PBX1: variants seen among roughly 807,000 people sequenced by gnomAD.
PBX1 encodes pre-B-cell leukemia transcription factor 1.
A neutral mutation model predicts 53.4 loss-of-function variants in PBX1; 6 were observed. That is an observed-to-expected ratio of 0.11 (90% confidence interval 0.06 to 0.22). PBX1 has a LOEUF of 0.22. PBX1 is among the 10% of genes least tolerant of loss of function. PBX1 has a pLI of 1.00. For synonymous variants in PBX1, 204 were observed against 212.3 expected (o/e 0.96, Z 0.34); for missense variants, 251 against 551.4 (o/e 0.46, Z 5.46).
chr1:164,619,860 T>G (rs1326746513), intron 2 of PBX1, among the ~76,000 whole-genome samples: 5 of 152,012 alleles, frequency 3.3e-5, no homozygotes, highest in Non-Finnish European at 5.9e-5. Context: ...CTAGGAAAAA[T>G]AATGAGTTTG....
chr1:164,591,178 A>G (rs1655349149), intron 2 of PBX1, among the ~76,000 whole-genome samples: 1 of 151,874 alleles, frequency 6.6e-6, no homozygotes, highest in South Asian at 2.1e-4. Context: ...TGCCCAGCTA[A>G]TTTTTGTATT....
intron 2 of PBX1, among the ~76,000 whole-genome samples, chr1:164,746,340 G>A (rs1038761193): frequency 6.6e-6 from 1 of 152,106 alleles, no homozygotes; most frequent in South Asian, 2.1e-4. Flanking sequence ...AGAAAGCTAT[G>A]GTAAATAGTT....
At chr1:164,663,264 G>T (rs1183744736) in intron 2 of PBX1, among the ~76,000 whole-genome samples, 3 of 133,332 alleles carry the variant, frequency 2.3e-5, no homozygotes, top group Admixed American at 8.2e-5. Context: ...CTGCCTGCCT[G>T]CCTGCCTGCC....
At chr1:164,660,712 C>CATTATGTACATTATGTACA (rs1660438478) in intron 2 of PBX1, among the ~76,000 whole-genome samples, 1 of 152,160 alleles carries the variant, frequency 6.6e-6, no homozygotes, top group Non-Finnish European at 1.5e-5. Context: ...TTGACTACAG[C>CATTATGTACATTATGTACA]TCTTCAGTGC....
intron 2 of PBX1, among the ~76,000 whole-genome samples, chr1:164,864,897 C>T (rs966194566): frequency 6.6e-5 from 10 of 152,286 alleles, no homozygotes; most frequent in Admixed American, 3.9e-4. Context: ...GAGAGATCTG[C>T]ACTGATAAAT....
At chr1:164,864,198 G>C (rs572948457) in intron 2 of PBX1, among the ~76,000 whole-genome samples, 1 of 152,204 alleles carries the variant, frequency 6.6e-6, no homozygotes, top group South Asian at 2.1e-4. Context: ...GCAGGAGTAA[G>C]TTTAGAATCC....
chr1:164,827,581 G>A (rs1376616237), intron 8 of PBX1, among the ~76,000 whole-genome samples: 1 of 152,204 alleles, frequency 6.6e-6, no homozygotes, highest in Admixed American at 6.5e-5. Flanking sequence ...AACAGAGTAA[G>A]TAAGTGCCTT....
rs981363270 is a variant in PBX1, at chr1:164,850,063, G to A, written c.*3387G>A. 16 of 225,034 alleles carry A rather than the reference G, an allele frequency of 7.1e-5. No individual in the cohort carries two copies. The highest frequency in any genetic ancestry group is 1.9e-4 in the East Asian group (3 of 15,600). The allele number at this position is 225,034 out of a possible 1,614,324, so 13.9% of individuals were successfully genotyped here. A position where few individuals can be genotyped will look rare whatever the true frequency, so the allele number is the denominator to read the frequency against. ...TAAAGAAAAAAAAAACCAAAAAAGC[G>A]GTCTGAATTTAATAGTGTTTATAAT... On this transcript the variant is annotated 3_prime_UTR_variant, in exon 9 of 9. Transcript: ENST00000420696.
chr1:164,635,330 G>T (rs896730564), intron 2 of PBX1, among the ~76,000 whole-genome samples: 1 of 152,016 alleles, frequency 6.6e-6, no homozygotes, highest in Non-Finnish European at 1.5e-5. Context: ...GGGGGGCGAG[G>T]GGGGAGGGAG....
intron 2 of PBX1, among the ~76,000 whole-genome samples, chr1:164,663,805 A>T (rs983524868): frequency 6.6e-6 from 1 of 152,190 alleles, no homozygotes; most frequent in Admixed American, 6.5e-5. Flanking sequence ...TTAGGGGTGA[A>T]CCCCAGGCCA....
Position 164,847,489 on chromosome 1 carries a change from C to T in PBX1, c.*813C>T, listed in dbSNP as rs6426881. 161,846 of 1,062,240 alleles carry T rather than the reference C, an allele frequency of 0.15. 12,669 individuals carry two copies. The highest frequency in any genetic ancestry group is 0.16 in the Non-Finnish European group (141,563 of 877,344). The allele number at this position is 1,062,240 out of a possible 1,614,324, so 65.8% of individuals were successfully genotyped here. A position where few individuals can be genotyped will look rare whatever the true frequency, so the allele number is the denominator to read the frequency against. Reference sequence around the variant, plus strand: ...AGAGGCACAGTCTTTGGAGACCATTCAGCACTGAGAAAGCAATATTTAGAA... The same window carrying T: ...AGAGGCACAGTCTTTGGAGACCATTTAGCACTGAGAAAGCAATATTTAGAA... On this transcript the variant is annotated 3_prime_UTR_variant, in exon 9 of 9. Transcript: ENST00000420696.
intron 2 of PBX1, among the ~76,000 whole-genome samples, chr1:164,603,929 ATTTTTT>A (rs71583414): frequency 5.4e-4 from 41 of 75,746 alleles, no homozygotes; most frequent in South Asian, 1.0e-3. Flanking sequence ...ATGTCATTTC[ATTTTTT>A]TTTTTTTTTT....
chr1:164,647,712 C>A (rs1263015305), intron 2 of PBX1, among the ~76,000 whole-genome samples: 1 of 151,896 alleles, frequency 6.6e-6, no homozygotes, highest in Admixed American at 6.6e-5. Context: ...ACCTGGGGAA[C>A]TTTTAAAAAA....
intron 2 of PBX1, among the ~76,000 whole-genome samples, chr1:164,714,519 A>G (rs191755893): frequency 2.0e-4 from 30 of 152,228 alleles, no homozygotes; most frequent in Admixed American, 1.8e-3. Context: ...ATTTTAAGAT[A>G]GGAGAGATAC....
intron 2 of PBX1, among the ~76,000 whole-genome samples, chr1:164,744,880 G>C (rs1028488694): frequency 6.6e-6 from 1 of 152,132 alleles, no homozygotes; most frequent in African/African-American, 2.4e-5. Flanking sequence ...AGACAGTGGT[G>C]GGGGTGGTGG....
chr1:164,563,064 C>A, intron 1 of PBX1, 174 bp from the exon 2 acceptor site: 1 of 399,480 alleles, frequency 2.5e-6, no homozygotes, highest in Non-Finnish European at 4.5e-6. Flanking sequence ...AACATTATTT[C>A]TTTTTCTATG....
chr1:164,563,370 G>A (rs1653200548), intron 2 of PBX1, 59 bp downstream of exon 2: 5 of 1,077,992 alleles, frequency 4.6e-6, no homozygotes, highest in Non-Finnish European at 5.6e-6. Context: ...CACTTAACCA[G>A]CAGTCACAAA....
At chr1:164,611,063 A>G (rs1422029319) in intron 2 of PBX1, among the ~76,000 whole-genome samples, 3 of 151,756 alleles carry the variant, frequency 2.0e-5, no homozygotes, top group African/African-American at 7.3e-5. Flanking sequence ...AATCCTCCCC[A>G]TGTTCTTTTG....
At chr1:164,885,676 A>G (rs922805537) in intron 2 of PBX1, among the ~76,000 whole-genome samples, 6 of 152,176 alleles carry the variant, frequency 3.9e-5, no homozygotes, top group African/African-American at 1.4e-4. Context: ...TGGAGATGAT[A>G]ATACCTACCT....
Sources: allele counts gnomAD v4.1 joint callset (sites outside exome capture counted in the v4.1 genomes callset), GRCh38; gene constraint gnomAD v4.1.1; transcripts MANE v1.5; gene names NCBI Gene and HGNC (gene_info 2026-07-23, HGNC 2026-07-21).